MYH14: variants seen among roughly 807,000 people sequenced by gnomAD.
The protein encoded by MYH14 is myosin-14.
In MYH14, 123 loss-of-function variants were observed where a neutral mutation model predicts 255.5. The observed-to-expected ratio is 0.48, with a 90% CI of 0.42 to 0.56. The LOEUF is 0.56. Among genes scored for constraint, MYH14 ranks in the 20% least tolerant of loss-of-function variants. The pLI is 0.00. For synonymous variants in MYH14, 1,095 were observed against 1,161.2 expected (o/e 0.94, Z 1.16); for missense variants, 2,423 against 2,802.3 (o/e 0.86, Z 3.06).
Position 50,249,787 on chromosome 19 carries a change from C to G in MYH14, c.1620C>G (p.Leu540=). The G allele has an allele frequency of 6.2e-7, 1 of 1,614,234 alleles. No individual in the cohort carries two copies. Among genetic ancestry groups the G allele is most frequent in the Non-Finnish European group, 8.5e-7 (1 of 1,180,042 alleles). ...CCTGGACCTTCCTCGACTTTGGCCT[C>G]GACCTGCAGCCCTGCATCGACCTCA... The part of the protein sequence containing the change: ...GIPWTFLDFG[L]DLQPCIDLIE... Residue 540 remains leucine (L), a synonymous_variant, in exon 14 of 43, where the codon CTC becomes CTG. Coordinates refer to ENST00000642316, the MANE Select transcript of MYH14 (RefSeq NM_001145809.2).
At position 50,292,241 on chromosome 19, in the gene MYH14, A is replaced by C; in HGVS notation, c.5128-20A>C. ...CTGTGTGGCCAGGCTGAGCCCATCTACCTATTCCGTTCCACCCAGGCCCAG... is the reference window on the plus strand; with the variant it reads ...CTGTGTGGCCAGGCTGAGCCCATCTCCCTATTCCGTTCCACCCAGGCCCAG... On this transcript the variant is annotated intron_variant, in intron 36 of 42. Transcript: ENST00000642316. 1 of 1,594,370 alleles carries C rather than the reference A, an allele frequency of 6.3e-7. No individual in the cohort carries two copies. The highest frequency in any genetic ancestry group is 8.5e-7 in the Non-Finnish European group (1 of 1,171,148).
chr19:50,272,678 G>C lies in MYH14; in HGVS notation c.3414G>C (p.Glu1138Asp). 1 of 1,554,736 alleles carries C rather than the reference G, an allele frequency of 6.4e-7. No individual in the cohort carries two copies. Among genetic ancestry groups the C allele is most frequent in the Non-Finnish European group, 8.7e-7 (1 of 1,149,672 alleles). ...QMVEQQQRAE[E>D]LRAQLGRKEE... The stretch of plus-strand genomic sequence containing the variant: ...TGGAGCAGCAACAGCGGGCAGAGGA[G>C]CTGCGGGCCCAGCTGGGCCGGAAGG... The change falls in exon 27 of 43, where the codon GAG becomes GAC. Residue 1138 changes from glutamate to aspartate, a missense_variant. By Grantham distance (45) the Glu-to-Asp change is conservative. Coordinates refer to ENST00000642316, the MANE Select transcript of MYH14 (RefSeq NM_001145809.2).
intron 3 of MYH14, among the ~76,000 whole-genome samples, chr19:50,222,123 T>C (rs967407622): frequency 3.3e-5 from 5 of 152,048 alleles, no homozygotes; most frequent in Admixed American, 1.3e-4. Context: ...TAACCAAAAA[T>C]GTCTCCCAGA....
At chr19:50,223,223 T>C in intron 4 of MYH14, 24 bp from the exon 5 acceptor site, 2 of 1,612,644 alleles carry the variant, frequency 1.2e-6, no homozygotes, top group Non-Finnish European at 1.7e-6. Context: ...CCAACCCCTT[T>C]GCTTCCCCTT....
At position 50,278,068 on chromosome 19, in the gene MYH14, T is replaced by A. The variant is rs764359134; in HGVS notation, c.3826-15T>A. The A allele has an allele frequency of 6.5e-7, 1 of 1,531,222 alleles. No homozygotes were observed. The highest frequency in any genetic ancestry group is 8.8e-7 in the Non-Finnish European group (1 of 1,131,176). 94.9% of individuals were successfully genotyped at this position (1,531,222 alleles called of 1,614,324 possible). A position where few individuals can be genotyped will look rare whatever the true frequency, so the allele number is the denominator to read the frequency against. Reference sequence around the variant, plus strand: ...AAGGCCTCATAGATCTTTGCTCATCTCCTTCCCACACCAGGGCAAAGGTGC... The same window carrying A: ...AAGGCCTCATAGATCTTTGCTCATCACCTTCCCACACCAGGGCAAAGGTGC... On this transcript the variant is annotated splice_polypyrimidine_tract_variant and intron_variant, in intron 29 of 42. Transcript: ENST00000642316.
rs771550100 is a variant in MYH14 at position 50,271,446 on chromosome 19, G to A, written c.3071G>A (p.Arg1024Gln). Residue 1024 changes from arginine to glutamine, a missense_variant, in exon 25 of 43, where the codon CGG becomes CAG. By Grantham distance (43) the Arg-to-Gln change is conservative. Transcript: ENST00000642316. The part of the protein sequence containing the change: ...EAHLEAEEGA[R>Q]QKLQLEKVTT... The stretch of plus-strand genomic sequence containing the variant: ...CACCTTGAGGCTGAGGAGGGTGCGC[G>A]GCAGAAGCTGCAGCTGGAGAAGGTG... The A allele has an allele frequency of 1.8e-5, 29 of 1,606,802 alleles. No individual in the cohort carries two copies. The highest frequency in any genetic ancestry group is 4.5e-5 in the South Asian group (4 of 89,466).
chr19:50,309,782 C>G lies in MYH14; in HGVS notation c.6103C>G (p.Pro2035Ala). The change falls in exon 43 of 43, where the codon CCC becomes GCC. Residue 2035 changes from proline to alanine, a missense_variant. Physicochemically the swap from Pro to Ala is conservative, Grantham distance 27 (BLOSUM62 -1). Transcript: ENST00000642316. ...PEPEGSPPAH[P>A]Q Reference sequence around the variant, plus strand: ...GCCTGAGGGGTCCCCACCAGCCCACCCCCAGTGACCCTACCCTGTCCCCAG... The same window carrying G: ...GCCTGAGGGGTCCCCACCAGCCCACGCCCAGTGACCCTACCCTGTCCCCAG... The G allele has an allele frequency of 6.3e-7, 1 of 1,576,678 alleles. No homozygotes were observed. Among genetic ancestry groups the G allele is most frequent in the Non-Finnish European group, 8.6e-7 (1 of 1,160,804 alleles).
chr19:50,307,201 C>G (rs2036683320), intron 41 of MYH14, 44 bp downstream of exon 41: 1 of 1,256,824 alleles, frequency 8.0e-7, no homozygotes, highest in Non-Finnish European at 1.1e-6. Context: ...AGTGTGACCA[C>G]TGGCTGAGAA....
rs564779542 is a variant in MYH14, at chr19:50,272,547, C to A, written c.3296-13C>A. The A allele has an allele frequency of 2.6e-6, 4 of 1,559,734 alleles. No homozygotes were observed. The highest frequency in any genetic ancestry group is 3.9e-5 in the Admixed American group (2 of 51,680). On this transcript the variant is annotated splice_polypyrimidine_tract_variant and intron_variant, in intron 26 of 42. Transcript: ENST00000642316. ...CTGGAGTCCTCATGCACGGCCCCCA[C>A]CCCTGCCTCCAGACCGCCTACGGAA... is the stretch of plus-strand genomic sequence containing the variant.
Position 50,231,981 on chromosome 19 carries a change from C to G in MYH14, c.1025C>G (p.Pro342Arg). Reference sequence around the variant, plus strand: ...CACTACCGGTTCCTGACCAACGGGCCGTCATCCTCTCCCGGCCAGGAGCGG... The same window carrying G: ...CACTACCGGTTCCTGACCAACGGGCGGTCATCCTCTCCCGGCCAGGAGCGG... ...CSHYRFLTNG[P>R]SSSPGQEREL... The change falls in exon 10 of 43, where the codon CCG becomes CGG. Residue 342 changes from proline (P) to arginine (R), a missense_variant. Pro to Arg is a moderately radical substitution (Grantham distance 103). Coordinates refer to ENST00000642316, the MANE Select transcript of MYH14 (RefSeq NM_001145809.2). The G allele has an allele frequency of 6.2e-7, 1 of 1,613,944 alleles. No homozygotes were observed. The highest frequency in any genetic ancestry group is 2.2e-5 in the East Asian group (1 of 44,886).
intron 14 of MYH14, 44 bp downstream of exon 14, chr19:50,249,867 C>T (rs147966342): frequency 2.7e-5 from 43 of 1,608,482 alleles, no homozygotes; most frequent in Middle Eastern, 1.7e-4. Context: ...GGTTCAGATC[C>T]GTCTCTCCCA....
At chr19:50,278,364 T>C in intron 30 of MYH14, 75 bp downstream of exon 30, 1 of 1,119,210 alleles carries the variant, frequency 8.9e-7, no homozygotes, top group Middle Eastern at 3.1e-4. Context: ...GGGCTTCTAT[T>C]TGGTCCATAT....
At position 50,210,634 on chromosome 19, in the gene MYH14, G is replaced by A. The variant is rs963967567; in HGVS notation, c.269G>A (p.Arg90Gln). 6.4e-7 allele frequency: 1 copy of A among 1,569,918 alleles called. No homozygotes were observed. The highest frequency in any genetic ancestry group is 8.6e-7 in the Non-Finnish European group (1 of 1,158,816). Residue 90 changes from arginine (R) to glutamine (Q), a missense_variant, in exon 2 of 43, where the codon CGA (arginine) becomes CAA (glutamine). Physicochemically the swap from Arg to Gln is conservative, Grantham distance 43. This residue lies in a region of MYH14 where 238 missense variants were observed against 245.8 expected (regional missense o/e 0.97). Coordinates refer to ENST00000642316, the MANE Select transcript of MYH14 (RefSeq NM_001145809.2). ...CTGGCGGAGAGCGGGAGGCGGCTGC[G>A]ACTGCCGCGGGACCAGATCCAGCGC... ...VELAESGRRL[R>Q]LPRDQIQRMN...
chr19:50,276,055 C>A lies in MYH14; in HGVS notation c.3532C>A (p.Leu1178Met). ...LKSLREAQAA[L>M]AEAQEDLESE... ...ATCCCTGCGGGAGGCTCAAGCAGCC[C>A]TGGCCGAGGCCCAGGAGGACCTGGA... Residue 1178 changes from leucine (L) to methionine (M), a missense_variant, in exon 28 of 43, where the codon CTG (leucine) becomes ATG (methionine). Leu to Met is a conservative substitution (Grantham distance 15, BLOSUM62 2). Transcript: ENST00000642316. The surrounding 1 kb of genome is among the most constrained non-coding windows in gnomAD (Gnocchi z 4.3). 1 of 1,612,174 alleles carries A rather than the reference C, an allele frequency of 6.2e-7. No individual in the cohort carries two copies.
intron 9 of MYH14, 21 bp from the exon 10 acceptor site, chr19:50,231,909 C>A: frequency 1.9e-6 from 3 of 1,613,558 alleles, no homozygotes; most frequent in Non-Finnish European, 2.5e-6. Context: ...TTGACCTTGA[C>A]CCCACTCATT....
At chr19:50,260,783 G>GTA (rs1299533293) in intron 20 of MYH14, 68 bp downstream of exon 20, 134 of 1,204,298 alleles carry the variant, frequency 1.1e-4, no homozygotes, top group Admixed American at 2.3e-4. Flanking sequence ...GTGCGTGCAT[G>GTA]TGTGTGTGCA....
intron 2 of MYH14, among the ~76,000 whole-genome samples, chr19:50,213,012 G>C (rs2032278812): frequency 6.6e-6 from 1 of 152,306 alleles, no homozygotes; most frequent in East Asian, 1.9e-4. Flanking sequence ...CAGTGCAGCA[G>C]CATGATCTTG....
intron 40 of MYH14, among the ~76,000 whole-genome samples, chr19:50,302,147 G>A (rs1358726323): frequency 1.4e-5 from 2 of 146,192 alleles, no homozygotes; most frequent in Non-Finnish European, 3.0e-5. Context: ...AGCCAGGTGT[G>A]TTAGCGTGTG....
At chr19:50,309,601 C>T in intron 42 of MYH14, 39 bp from the exon 43 acceptor site, 1 of 1,501,092 alleles carries the variant, frequency 6.7e-7, no homozygotes. Context: ...CTCCCCTCCC[C>T]TCATTTCATC....
Sources: allele counts gnomAD v4.1 joint callset (sites outside exome capture counted in the v4.1 genomes callset), GRCh38; gene constraint gnomAD v4.1.1; regional missense constraint gnomAD v4.1.1; non-coding constraint Gnocchi (gnomAD v3.1); transcripts MANE v1.5; gene names NCBI Gene and HGNC (gene_info 2026-07-23, HGNC 2026-07-21).